PDE4DIP: variants seen among roughly 807,000 people sequenced by gnomAD.
PDE4DIP encodes the protein myomegalin.
In PDE4DIP, 59 loss-of-function variants were observed where a neutral mutation model predicts 221.4. The ratio of observed to expected loss-of-function variants is 0.27; its 90% CI spans 0.22 to 0.33. The LOEUF (loss-of-function observed/expected upper bound fraction) is 0.33, where lower values mean the gene tolerates loss of function less well. Among genes scored for constraint, PDE4DIP ranks in the 10% least tolerant of loss-of-function variants. PDE4DIP has a pLI of 1.00. For missense variants in PDE4DIP, 1,036 were observed against 2,154.2 expected, an observed-to-expected ratio of 0.48 and a Z score of 10.28; for synonymous variants, 404 against 815.9, an observed-to-expected ratio of 0.50 and a Z score of 8.60.
exon 44 of PDE4DIP, chr1:149,032,938 G>A (rs2152841825): frequency 5.0e-6 from 1 of 198,940 alleles, no homozygotes; most frequent in Admixed American, 6.0e-5. Flanking sequence ...GGTGGACAGG[G>A]TGGGTGACAG....
intron 30 of PDE4DIP, 102 bp downstream of exon 33, chr1:149,009,893 T>C: frequency 1.1e-6 from 1 of 949,572 alleles, no homozygotes; most frequent in Non-Finnish European, 1.7e-6. Flanking sequence ...AGGCTGAACA[T>C]GGCTGTGGGG....
chr1:148,995,464 C>T (rs1197113685), intron 22 of PDE4DIP, among the ~76,000 whole-genome samples: 10 of 151,602 alleles, frequency 6.6e-5, no homozygotes, highest in South Asian at 2.1e-4. Flanking sequence ...GGGACAGATA[C>T]GAAGCAATAG....
At chr1:148,949,207 T>C (rs2052544752) in intron 5 of PDE4DIP, among the ~76,000 whole-genome samples, 1 of 151,828 alleles carries the variant, frequency 6.6e-6, no homozygotes, top group African/African-American at 2.4e-5. Flanking sequence ...CTTAAAGTTA[T>C]TTAAAGTATG....
chr1:149,009,446 T>C, intron 29 of PDE4DIP, 122 bp from the exon 33 acceptor site: 1 of 638,924 alleles, frequency 1.6e-6, no homozygotes, highest in Admixed American at 2.4e-5. Flanking sequence ...AGGTGGGTTA[T>C]TTCCATAATT....
At chr1:148,987,337 A>G (rs1283428844) in intron 21 of PDE4DIP, among the ~76,000 whole-genome samples, 2 of 152,190 alleles carry the variant, frequency 1.3e-5, no homozygotes, top group African/African-American at 4.8e-5. Flanking sequence ...CCTGAAGGGA[A>G]TGTGTGCAGG....
At chr1:149,017,818 C>T in exon 34 of PDE4DIP, 1 of 1,612,998 alleles carries the variant, frequency 6.2e-7, no homozygotes, top group Non-Finnish European at 8.5e-7. Flanking sequence ...AATCCATCTG[C>T]ATCAATGACC....
intron 5 of PDE4DIP, among the ~76,000 whole-genome samples, chr1:148,949,191 T>C (rs1453060260): frequency 1.3e-5 from 2 of 151,956 alleles, no homozygotes; most frequent in Non-Finnish European, 2.9e-5. Context: ...ACAAAAGCAG[T>C]AAGTACTTAA....
At position 149,005,529 on chromosome 1, in the gene PDE4DIP, A is replaced by G. The variant is rs1406058666; in HGVS notation, c.4415+92A>G. The G allele has an allele frequency of 1.4e-5, 14 of 1,015,960 alleles. No individual in the cohort carries two copies. The East Asian group carries it at 3.1e-4, about 23-fold the overall frequency. 62.9% of individuals were successfully genotyped at this position (1,015,960 alleles called of 1,614,324 possible). On this transcript the variant is annotated intron_variant, in intron 27 of 43. Transcript: ENST00000369354. ...AGCTCAGGCAGTTGGAAGAAAGAAC[A>G]TGTCTGGGTATTCACAGGGACACTG...
exon 18 of PDE4DIP, chr1:148,978,003 G>T: frequency 6.2e-7 from 1 of 1,614,094 alleles, no homozygotes; most frequent in Non-Finnish European, 8.5e-7. Flanking sequence ...GCAGGCTGCT[G>T]ATATGGAGTC....
intron 41 of PDE4DIP, 64 bp downstream of exon 44, chr1:149,028,767 C>T: frequency 1.1e-6 from 1 of 901,816 alleles, no homozygotes; most frequent in East Asian, 3.0e-5. Flanking sequence ...ACTGTTCTGT[C>T]TCCTCAATGT....
intron 32 of PDE4DIP, among the ~76,000 whole-genome samples, chr1:149,015,448 TC>T (rs1364485654): frequency 1.3e-5 from 2 of 151,900 alleles, no homozygotes; most frequent in Admixed American, 6.6e-5. Flanking sequence ...ATGTTCATAA[TC>T]CCTGAAAGAA....
At chr1:148,981,516 T>C (rs2061069289) in intron 21 of PDE4DIP, 119 bp downstream of exon 24, 5 of 1,296,274 alleles carry the variant, frequency 3.9e-6, no homozygotes, top group South Asian at 3.6e-5. Flanking sequence ...CCTTGTCTGA[T>C]TTTGGCAGAA....
chr1:148,973,105 A>G (rs1553532611), intron 16 of PDE4DIP, among the ~76,000 whole-genome samples: 2 of 135,006 alleles, frequency 1.5e-5, no homozygotes, highest in East Asian at 4.3e-4. Context: ...TTGGTGGGTA[A>G]TGGCATTCAG....
rs587605539 is a variant in PDE4DIP, at chr1:148,964,335, C to T, written c.1195-1149C>T. ...GTTGGTCAGGTTGGTCTCAAACTCC[C>T]GACCTCTGGTGATCTGCCCACCTTG... On this transcript the variant is annotated intron_variant, in intron 9 of 43. Coordinates refer to ENST00000369354, the Ensembl canonical transcript of PDE4DIP. Among the ~76,000 whole-genome samples the T allele has an allele frequency of 3.6e-3, 542 of 152,024 alleles. 2 individuals carry two copies. The highest frequency in any genetic ancestry group is 0.012 in the African/African-American group (516 of 41,456).
chr1:149,012,515 T>C (rs2068874063), intron 31 of PDE4DIP, 76 bp from the exon 35 acceptor site: 1 of 727,100 alleles, frequency 1.4e-6, no homozygotes, highest in Non-Finnish European at 2.3e-6. Context: ...TTTTACCTTC[T>C]CAATCTTTTA....
rs587712425 is a variant in PDE4DIP, at chr1:148,933,667, A to G, written c.518+1379A>G. ...CTGAATAGGCAAAAACCACATGTGC[A>G]TACCATGACCAATGTGATCTTTCCA... On this transcript the variant is annotated intron_variant, in intron 4 of 43. Transcript: ENST00000369354. Among the ~76,000 whole-genome samples, 65 of 152,332 alleles carry G rather than the reference A, an allele frequency of 4.3e-4. No homozygotes were observed. In the South Asian group the frequency reaches 0.012, roughly 29 times the overall value.
chr1:148,821,009 G>T (rs880000077), intron 1 of PDE4DIP, among the ~76,000 whole-genome samples: 3 of 150,216 alleles, frequency 2.0e-5, no homozygotes, highest in African/African-American at 7.5e-5. Context: ...CCAATACCTC[G>T]CCCGGCTAAT....
exon 31 of PDE4DIP, chr1:149,010,568 C>G: frequency 6.2e-7 from 1 of 1,614,100 alleles, no homozygotes. Context: ...CCAGAATACC[C>G]CCAAGGAGGC....
At chr1:148,941,425 C>A (rs1435972905) in intron 5 of PDE4DIP, among the ~76,000 whole-genome samples, 1 of 127,864 alleles carries the variant, frequency 7.8e-6, no homozygotes, top group East Asian at 2.1e-4. Flanking sequence ...TGGAAAGTAC[C>A]ATAAATGTTG....
Sources: allele counts gnomAD v4.1 joint callset (sites outside exome capture counted in the v4.1 genomes callset), GRCh38; gene constraint gnomAD v4.1.1; transcripts MANE v1.5; gene names NCBI Gene and HGNC (gene_info 2026-07-23, HGNC 2026-07-21).